NALF1: variants seen among roughly 807,000 people sequenced by gnomAD.
NALF1 encodes family with sequence similarity 155 member A.
Under a neutral mutation model 48.4 loss-of-function variants are expected in NALF1, and 3 were observed. The ratio of observed to expected loss-of-function variants is 0.06; its 90% CI spans 0.03 to 0.16. The LOEUF (loss-of-function observed/expected upper bound fraction) is 0.16, where lower values mean the gene tolerates loss of function less well. NALF1 is among the 10% of genes least tolerant of loss of function. The probability of loss-of-function intolerance (pLI) is 1.00; values close to 1 mark genes in which losing one functional copy is unlikely to be tolerated. For missense variants in NALF1, 526 were observed against 571.5 expected, an observed-to-expected ratio of 0.92 and a Z score of 0.81; for synonymous variants, 262 against 245.7, an observed-to-expected ratio of 1.07 and a Z score of -0.62.
At chr13:107,716,670 T>C (rs939334984) in intron 1 of NALF1, among the ~76,000 whole-genome samples, 4 of 152,202 alleles carry the variant, frequency 2.6e-5, no homozygotes, top group African/African-American at 9.7e-5. Context: ...GATGTGACTA[T>C]ATTTAAACAC....
At chr13:107,724,333 A>T (rs989104013) in intron 1 of NALF1, among the ~76,000 whole-genome samples, 6 of 140,644 alleles carry the variant, frequency 4.3e-5, no homozygotes, top group African/African-American at 1.6e-4. Context: ...ACCTAATACA[A>T]AAAAAAATGA....
chr13:107,737,685 G>A (rs1312527979), intron 1 of NALF1, among the ~76,000 whole-genome samples: 2 of 152,072 alleles, frequency 1.3e-5, no homozygotes, highest in East Asian at 1.9e-4. Context: ...CTCAAGGGAC[G>A]GGAATAGAAA....
At chr13:107,732,697 G>A (rs1166601581) in intron 1 of NALF1, among the ~76,000 whole-genome samples, 1 of 152,158 alleles carries the variant, frequency 6.6e-6, no homozygotes, top group African/African-American at 2.4e-5. Flanking sequence ...AGGTGAATCT[G>A]TGAATCTCAT....
At chr13:107,402,344 G>C (rs1004026275) in intron 1 of NALF1, among the ~76,000 whole-genome samples, 2 of 152,126 alleles carry the variant, frequency 1.3e-5, no homozygotes, top group Admixed American at 6.6e-5. Flanking sequence ...CAGAGCTTGG[G>C]AATTAATCCT....
At chr13:107,598,377 G>C (rs1011577258) in intron 1 of NALF1, among the ~76,000 whole-genome samples, 1 of 152,148 alleles carries the variant, frequency 6.6e-6, no homozygotes, top group Non-Finnish European at 1.5e-5. Context: ...ATGTTTTTAA[G>C]TAATCACTGT....
chr13:107,279,810 C>A (rs1237567964), intron 1 of NALF1, among the ~76,000 whole-genome samples: 1 of 152,196 alleles, frequency 6.6e-6, no homozygotes, highest in Non-Finnish European at 1.5e-5. Flanking sequence ...ACCTTCATTT[C>A]CTTTCCACCT....
intron 1 of NALF1, among the ~76,000 whole-genome samples, chr13:107,798,021 G>A (rs1009196872): frequency 2.0e-5 from 3 of 152,154 alleles, no homozygotes; most frequent in Admixed American, 6.5e-5. Flanking sequence ...GGAATAAGCA[G>A]ATTGTATTCA....
intron 1 of NALF1, among the ~76,000 whole-genome samples, chr13:107,276,996 A>G (rs1418795175): frequency 2.0e-5 from 3 of 152,150 alleles, no homozygotes; most frequent in African/African-American, 7.2e-5. Flanking sequence ...ATTAACAAAA[A>G]TTACCTTTCT....
At chr13:107,747,253 A>G (rs932339476) in intron 1 of NALF1, among the ~76,000 whole-genome samples, 8 of 152,242 alleles carry the variant, frequency 5.3e-5, no homozygotes, top group African/African-American at 1.9e-4. Flanking sequence ...ATGGTGATTT[A>G]CATGTTTTCC....
At chr13:107,671,421 A>T (rs540190464) in intron 1 of NALF1, among the ~76,000 whole-genome samples, 1 of 152,268 alleles carries the variant, frequency 6.6e-6, no homozygotes, top group African/African-American at 2.4e-5. Context: ...AGAATGAAAA[A>T]GAGTCAGATC....
At chr13:107,245,314 C>T (rs1880558940) in intron 1 of NALF1, among the ~76,000 whole-genome samples, 1 of 152,174 alleles carries the variant, frequency 6.6e-6, no homozygotes, top group Non-Finnish European at 1.5e-5. Flanking sequence ...ATTTACTTTT[C>T]ACGATGTCTC....
intron 1 of NALF1, among the ~76,000 whole-genome samples, chr13:107,739,377 T>C (rs1178225730): frequency 6.7e-6 from 1 of 148,236 alleles, no homozygotes; most frequent in African/African-American, 2.5e-5. Flanking sequence ...AATATATAAT[T>C]AAGATAAAAT....
At chr13:107,428,321 G>T (rs1045531696) in intron 1 of NALF1, among the ~76,000 whole-genome samples, 12 of 152,198 alleles carry the variant, frequency 7.9e-5, no homozygotes, top group South Asian at 2.1e-4. Flanking sequence ...CACTGCTGCT[G>T]TAAACAACTT....
At chr13:107,583,379 T>C (rs73593190) in intron 1 of NALF1, among the ~76,000 whole-genome samples, 6,495 of 152,276 alleles carry the variant, frequency 0.043, 230 homozygotes, top group African/African-American at 0.1. Context: ...TATTCTAAGA[T>C]ATTTTTGTTC....
chr13:107,441,344 A>G (rs1342919229), intron 1 of NALF1, among the ~76,000 whole-genome samples: 4 of 152,194 alleles, frequency 2.6e-5, no homozygotes. Flanking sequence ...TCTATTGAGG[A>G]ATTTAACCTG....
At chr13:107,518,356 G>C (rs1051704292) in intron 1 of NALF1, among the ~76,000 whole-genome samples, 7 of 152,152 alleles carry the variant, frequency 4.6e-5, no homozygotes, top group African/African-American at 1.7e-4. Flanking sequence ...AACAGACTCA[G>C]CTGTTGGAAT....
chr13:107,789,437 T>G (rs1292837415), intron 1 of NALF1, among the ~76,000 whole-genome samples: 1 of 152,232 alleles, frequency 6.6e-6, no homozygotes, highest in Non-Finnish European at 1.5e-5. Context: ...CCTTACAGGA[T>G]AAAATCTTTA....
At chr13:107,849,295 C>T (rs1039242942) in intron 1 of NALF1, among the ~76,000 whole-genome samples, 4 of 152,126 alleles carry the variant, frequency 2.6e-5, no homozygotes, top group African/African-American at 9.7e-5. Context: ...GTTATAACAA[C>T]CTTGCTTCTC....
chr13:107,604,188 T>C (rs902330330), intron 1 of NALF1, among the ~76,000 whole-genome samples: 1 of 152,224 alleles, frequency 6.6e-6, no homozygotes, highest in African/African-American at 2.4e-5. Flanking sequence ...ATGTACTCCT[T>C]ATAACTGCAT....
Sources: gnomAD v4.1 joint callset for allele counts (sites outside exome capture counted in the v4.1 genomes callset) on GRCh38, gnomAD v4.1.1 for gene constraint, MANE v1.5 for transcripts, NCBI Gene and HGNC (gene_info 2026-07-23, HGNC 2026-07-21) for gene names.